ADGRA1: variants seen among roughly 807,000 people sequenced by gnomAD.
ADGRA1 encodes G-protein coupled receptor 123.
In ADGRA1, 12 loss-of-function variants were observed where a neutral mutation model predicts 21.3. The observed-to-expected ratio is 0.56, with a 90% CI of 0.36 to 0.91. ADGRA1 has a LOEUF of 0.91. Among genes scored for constraint, ADGRA1 ranks in the 40% least tolerant of loss-of-function variants. The probability of loss-of-function intolerance (pLI) is 0.01; values close to 1 mark genes in which losing one functional copy is unlikely to be tolerated. For missense variants in ADGRA1, 790 were observed against 805.6 expected (o/e 0.98, Z 0.23); for synonymous variants, 385 against 368.8 (o/e 1.04, Z -0.50).
In ADGRA1 at chr10:133,115,208, G is replaced by A. The variant is rs532771073; in HGVS notation, c.402-12025G>A. Among the ~76,000 whole-genome samples, 7 of 152,156 alleles carry A rather than the reference G, an allele frequency of 4.6e-5. No homozygotes were observed. The East Asian group carries it at 1.2e-3, about 25-fold the overall frequency. ...CCCATCGCCTGAGTGGGGCTGTCCC[G>A]AGTCCACCCTCAGCCCCTGAGCCCT... On this transcript the variant is annotated intron_variant, in intron 5 of 6. Coordinates refer to ENST00000392607, the MANE Select transcript of ADGRA1 (RefSeq NM_001083909.3).
At position 133,106,846 on chromosome 10, in the gene ADGRA1, G is replaced by T. The variant is rs577112000; in HGVS notation, c.401+4004G>T. On this transcript the variant is annotated intron_variant, in intron 5 of 6. Transcript: ENST00000392607. ...ACCCCCGCGGCTCAGAGTGCCCATCGCGGGCTCCTGGGCAGTGTTTATCTG... is the reference window on the plus strand; with the variant it reads ...ACCCCCGCGGCTCAGAGTGCCCATCTCGGGCTCCTGGGCAGTGTTTATCTG... Among the ~76,000 whole-genome samples, 20 of 152,338 alleles carry T rather than the reference G, an allele frequency of 1.3e-4. No individual in the cohort carries two copies. In the East Asian group the frequency reaches 2.7e-3, roughly 21 times the overall value.
rs1852529262 is a variant in ADGRA1 at position 133,131,648 on chromosome 10, A to G, written c.*2137A>G. 6.6e-6 allele frequency: 1 copy of G among 152,534 alleles called. No individual in the cohort carries two copies. The highest frequency in any genetic ancestry group is 1.5e-5 in the Non-Finnish European group (1 of 68,114). The allele number at this position is 152,534 out of a possible 1,614,324, so 9.4% of individuals were successfully genotyped here. On this transcript the variant is annotated 3_prime_UTR_variant, in exon 7 of 7. Coordinates refer to ENST00000392607, the MANE Select transcript of ADGRA1 (RefSeq NM_001083909.3). Reference sequence around the variant, plus strand: ...CAACCAAAGAAAGTCAACATTGAACATTAAACCTCTGTGTGTTTCTATACT... The same window carrying G: ...CAACCAAAGAAAGTCAACATTGAACGTTAAACCTCTGTGTGTTTCTATACT...
chr10:133,119,096 C>T (rs948023453), intron 5 of ADGRA1, among the ~76,000 whole-genome samples: 7 of 152,210 alleles, frequency 4.6e-5, no homozygotes, highest in African/African-American at 1.7e-4. Context: ...ATGCTCACAT[C>T]ACACTTGCAC....
chr10:133,095,805 C>A, intron 2 of ADGRA1: 2 of 1,595,544 alleles, frequency 1.3e-6, no homozygotes, highest in Non-Finnish European at 1.7e-6. Flanking sequence ...GCCCATGGCC[C>A]TTCCTGCACA....
intron 4 of ADGRA1, among the ~76,000 whole-genome samples, chr10:133,100,460 C>T (rs756113690): frequency 1.3e-5 from 2 of 152,238 alleles, no homozygotes; most frequent in African/African-American, 2.4e-5. Context: ...ACCCCGCCCG[C>T]GCCTTCGGGA....
rs759908171 is a variant in ADGRA1, at chr10:133,128,839, G to C, written c.1011G>C (p.Ala337=). The C allele has an allele frequency of 1.4e-5, 23 of 1,592,086 alleles. No homozygotes were observed. The highest frequency in any genetic ancestry group is 1.9e-5 in the Non-Finnish European group (22 of 1,172,478). Residue 337 remains alanine (A), a synonymous_variant, in exon 7 of 7, where the codon GCG becomes GCC. Coordinates refer to ENST00000392607, the MANE Select transcript of ADGRA1 (RefSeq NM_001083909.3). ...AHPALDANGA[A]LGRAACLHSP... is the part of the protein sequence containing the mutation. ...CCGCACTTGACGCCAACGGGGCCGC[G>C]CTGGGCCGCGCCGCCTGCCTGCACT...
intron 5 of ADGRA1, among the ~76,000 whole-genome samples, chr10:133,107,276 G>A (rs1351207781): frequency 3.9e-5 from 6 of 152,164 alleles, no homozygotes; most frequent in East Asian, 1.9e-4. Flanking sequence ...TAATTATCAC[G>A]CCATCTGTAC....
At chr10:133,102,327 A>G (rs1049485116) in intron 4 of ADGRA1, 6 of 511,410 alleles carry the variant, frequency 1.2e-5, no homozygotes, top group Non-Finnish European at 1.9e-5. Flanking sequence ...CCCTTGGTGG[A>G]CACCTATCCA....
At chr10:133,095,883 C>T in intron 2 of ADGRA1, 8 of 1,407,726 alleles carry the variant, frequency 5.7e-6, no homozygotes, top group Non-Finnish European at 7.6e-6. Flanking sequence ...CGGCTGCCTC[C>T]TCCTGCCCCG....
intron 2 of ADGRA1, chr10:133,093,344 C>T: frequency 6.8e-7 from 1 of 1,466,266 alleles, no homozygotes; most frequent in Non-Finnish European, 9.1e-7. Flanking sequence ...CTTTAACACC[C>T]TGACCCACTT....
In ADGRA1 at chr10:133,129,372, G is replaced by A. The variant is rs773084043; in HGVS notation, c.1544G>A (p.Arg515Gln). ...ALGPGHLEML[R>Q]RTQSLPFGGP... is the part of the protein sequence containing the mutation. Reference sequence around the variant, plus strand: ...GGGCCCGGCCACTTGGAGATGCTGCGGAGGACACAGTCCCTGCCCTTTGGT... The same window carrying A: ...GGGCCCGGCCACTTGGAGATGCTGCAGAGGACACAGTCCCTGCCCTTTGGT... Residue 515 changes from arginine (R) to glutamine (Q), a missense_variant, in exon 7 of 7, where the codon CGG (arginine) becomes CAG (glutamine). This residue lies in a region of ADGRA1 where 391 missense variants were observed against 351.5 expected (regional missense o/e 1.11). Coordinates refer to ENST00000392607, the MANE Select transcript of ADGRA1 (RefSeq NM_001083909.3). 70 of 1,601,560 alleles carry A rather than the reference G, an allele frequency of 4.4e-5. No homozygotes were observed. Among genetic ancestry groups the A allele is most frequent in the East Asian group, 9.0e-5 (4 of 44,346 alleles).
intron 5 of ADGRA1, among the ~76,000 whole-genome samples, chr10:133,106,740 A>G (rs1347501430): frequency 1.3e-5 from 2 of 152,254 alleles, no homozygotes; most frequent in Non-Finnish European, 2.9e-5. Context: ...CAGAGTGTGC[A>G]GCATGCTTCC....
rs1238224938 is a variant in ADGRA1 at position 133,115,966 on chromosome 10, C to T, written c.402-11267C>T. Among the ~76,000 whole-genome samples, 7 of 152,272 alleles carry T rather than the reference C, an allele frequency of 4.6e-5. No homozygotes were observed. The South Asian group carries it at 1.2e-3, about 27-fold the overall frequency. ...AAGACCCTCTCCCTAACTTATCCCT[C>T]CCGCTCACCTCTCCCCTTCTCCCTC... On this transcript the variant is annotated intron_variant, in intron 5 of 6. Transcript: ENST00000392607.
intron 5 of ADGRA1, among the ~76,000 whole-genome samples, chr10:133,120,738 T>G (rs1177619314): frequency 6.6e-6 from 1 of 152,266 alleles, no homozygotes; most frequent in Admixed American, 6.5e-5. Context: ...GCCATGAGGC[T>G]GTTTCACTTT....
At position 133,128,565 on chromosome 10, in the gene ADGRA1, TGCA is replaced by T. The variant is rs779017081; in HGVS notation, c.739_741del (p.Gln247del). The T allele has an allele frequency of 1.3e-5, 21 of 1,571,722 alleles. No homozygotes were observed. The highest frequency in any genetic ancestry group is 1.8e-5 in the Non-Finnish European group (21 of 1,160,700). ...CACGATGCCCCCGGCGCCTCCGTGC[TGCA>T]GAACGAGCACTCATTCCAGGCACAG... On this transcript the variant is annotated inframe_deletion, in exon 7 of 7. Coordinates refer to ENST00000392607, the MANE Select transcript of ADGRA1 (RefSeq NM_001083909.3).
chr10:133,093,479 C>A (rs1851637974), intron 2 of ADGRA1, among the ~76,000 whole-genome samples: 1 of 152,222 alleles, frequency 6.6e-6, no homozygotes, highest in African/African-American at 2.4e-5. Context: ...ACGCCGGGCT[C>A]ACACGCTGGC....
At chr10:133,098,014 T>C (rs1211716796) in intron 3 of ADGRA1, among the ~76,000 whole-genome samples, 1 of 152,134 alleles carries the variant, frequency 6.6e-6, no homozygotes, top group Non-Finnish European at 1.5e-5. Context: ...GGGAGGCAGA[T>C]AAAATACATT....
intron 5 of ADGRA1, 82 bp from the exon 6 acceptor site, chr10:133,127,151 C>A: frequency 1.2e-6 from 1 of 860,040 alleles, no homozygotes; most frequent in South Asian, 2.1e-5. Flanking sequence ...TCCCTTGCCC[C>A]GCGGAGTGGG....
chr10:133,096,919 C>A, intron 2 of ADGRA1, 55 bp from the exon 3 acceptor site: 3 of 1,574,358 alleles, frequency 1.9e-6, no homozygotes, highest in South Asian at 1.1e-5. Context: ...GGCGACGGCG[C>A]CGCCCACACA....
Sources: allele counts gnomAD v4.1 joint callset (sites outside exome capture counted in the v4.1 genomes callset), GRCh38; gene constraint gnomAD v4.1.1; regional missense constraint gnomAD v4.1.1; transcripts MANE v1.5; gene names NCBI Gene and HGNC (gene_info 2026-07-23, HGNC 2026-07-21).